Variants in HS6ST3 observed in about 807,000 individuals in gnomAD.
HS6ST3 encodes the protein heparan sulfate 6-O-sulfotransferase 3.
In HS6ST3, 12 loss-of-function variants were observed where a neutral mutation model predicts 36.7. The observed-to-expected ratio is 0.33, with a 90% CI of 0.21 to 0.53. The LOEUF (loss-of-function observed/expected upper bound fraction) is 0.53. Among genes scored for constraint, HS6ST3 ranks in the 20% least tolerant of loss-of-function variants. The pLI is 0.95. For synonymous variants in HS6ST3, 240 were observed against 257.5 expected (o/e 0.93, Z 0.65); for missense variants, 584 against 640.9 (o/e 0.91, Z 0.96).
At chr13:96,215,022 A>G (rs187577372) in intron 1 of HS6ST3, among the ~76,000 whole-genome samples, 4 of 152,182 alleles carry the variant, frequency 2.6e-5, no homozygotes, top group East Asian at 3.9e-4. Context: ...CCCCGCTGAG[A>G]CCCATTTTAC....
chr13:96,491,093 TTCTTGAACTAGTTC>T (rs2055943053), intron 1 of HS6ST3, among the ~76,000 whole-genome samples: 1 of 152,232 alleles, frequency 6.6e-6, no homozygotes, highest in Non-Finnish European at 1.5e-5. Context: ...ATGATTTGCC[TTCTTGAACTAGTTC>T]TAAAGAAGAC....
intron 1 of HS6ST3, among the ~76,000 whole-genome samples, chr13:96,711,761 C>T (rs533632437): frequency 5.0e-4 from 76 of 152,314 alleles, no homozygotes; most frequent in Non-Finnish European, 9.7e-4. Context: ...TGTCTCATTT[C>T]GGACTTTCCA....
At chr13:96,562,610 C>G (rs920562753) in intron 1 of HS6ST3, among the ~76,000 whole-genome samples, 1 of 152,040 alleles carries the variant, frequency 6.6e-6, no homozygotes, top group African/African-American at 2.4e-5. Context: ...TTGCTCTTGA[C>G]CATTCAGATT....
chr13:96,724,314 T>C (rs1009494028), intron 1 of HS6ST3, among the ~76,000 whole-genome samples: 5 of 152,160 alleles, frequency 3.3e-5, no homozygotes, highest in South Asian at 4.1e-4. Context: ...CTGGGTAAGG[T>C]AGGGATTCTT....
At chr13:96,295,829 T>C (rs1231856083) in intron 1 of HS6ST3, among the ~76,000 whole-genome samples, 1 of 152,098 alleles carries the variant, frequency 6.6e-6, no homozygotes, top group East Asian at 1.9e-4. Flanking sequence ...GATGCGCTGA[T>C]TGTCAGGGAA....
chr13:96,636,795 C>T (rs774602601), intron 1 of HS6ST3, among the ~76,000 whole-genome samples: 20 of 151,986 alleles, frequency 1.3e-4, no homozygotes, highest in African/African-American at 4.1e-4. Flanking sequence ...AACGAGTTGA[C>T]GAGGGCAGGA....
chr13:96,596,810 A>C (rs1390464015), intron 1 of HS6ST3, among the ~76,000 whole-genome samples: 1 of 152,190 alleles, frequency 6.6e-6, no homozygotes, highest in East Asian at 1.9e-4. Flanking sequence ...AATACCATTC[A>C]ACCTAGCAAT....
chr13:96,121,311 A>C (rs1273747313), intron 1 of HS6ST3, among the ~76,000 whole-genome samples: 1 of 152,138 alleles, frequency 6.6e-6, no homozygotes. Flanking sequence ...TTTCTTGGTG[A>C]AGTTTATTAG....
intron 1 of HS6ST3, among the ~76,000 whole-genome samples, chr13:96,328,491 T>A (rs2139418945): frequency 6.6e-6 from 1 of 152,166 alleles, no homozygotes. Flanking sequence ...ATTTATTGAT[T>A]TGCGTATGTT....
At chr13:96,601,048 G>A (rs1248785297) in intron 1 of HS6ST3, among the ~76,000 whole-genome samples, 3 of 152,008 alleles carry the variant, frequency 2.0e-5, no homozygotes, top group Admixed American at 6.6e-5. Flanking sequence ...TAGTCTCATA[G>A]GTTTTTCCTA....
rs1338562725 is a variant in HS6ST3, at chr13:96,244,616, A to G, written c.707+153047A>G. On this transcript the variant is annotated intron_variant, in intron 1 of 1. Transcript: ENST00000376705. ...ATGCATTCCATCTATTTTGCTATTA[A>G]TCAATGGAAAAAAAATACTGTTTTC... is the stretch of plus-strand genomic sequence containing the variant. 2.6e-5 allele frequency among the ~76,000 whole-genome samples: 4 copies of G among 152,198 alleles called. No homozygotes were observed. In the East Asian group the frequency reaches 7.7e-4, roughly 29 times the overall value.
At chr13:96,647,308 A>G (rs2056592063) in intron 1 of HS6ST3, among the ~76,000 whole-genome samples, 1 of 152,082 alleles carries the variant, frequency 6.6e-6, no homozygotes, top group Non-Finnish European at 1.5e-5. Flanking sequence ...TAGAACTTTA[A>G]AAAAGTGATA....
intron 1 of HS6ST3, among the ~76,000 whole-genome samples, chr13:96,499,377 G>A (rs746155891): frequency 6.6e-6 from 1 of 152,116 alleles, no homozygotes; most frequent in Non-Finnish European, 1.5e-5. Flanking sequence ...GTACATATCA[G>A]GCATTGTTTG....
At position 96,837,896 on chromosome 13, in the gene HS6ST3, C is replaced by G. The variant is rs763840227; in HGVS notation, c.*4698C>G. On this transcript the variant is annotated 3_prime_UTR_variant, in exon 2 of 2. Coordinates refer to ENST00000376705, the MANE Select transcript of HS6ST3 (RefSeq NM_153456.4). ...CCTTTTTAATGTCTTCTTCCCCAGG[C>G]TCCTGGTACTTTGTCAGCAACATAC... 6.6e-6 allele frequency: 1 copy of G among 151,920 alleles called. No homozygotes were observed. Among genetic ancestry groups the G allele is most frequent in the African/African-American group, 2.4e-5 (1 of 41,368 alleles). 9.4% of individuals were successfully genotyped at this position (151,920 alleles called of 1,614,324 possible).
chr13:96,334,732 C>T (rs546472925), intron 1 of HS6ST3, among the ~76,000 whole-genome samples: 17 of 151,984 alleles, frequency 1.1e-4, no homozygotes, highest in African/African-American at 1.7e-4. Flanking sequence ...TGGGGGAAAC[C>T]GCCCCCATGA....
intron 1 of HS6ST3, among the ~76,000 whole-genome samples, chr13:96,210,974 C>G (rs1440232757): frequency 6.6e-6 from 1 of 151,638 alleles, no homozygotes; most frequent in Non-Finnish European, 1.5e-5. Context: ...CTCTGTTGCC[C>G]AGGCTGGAGT....
At chr13:96,204,663 G>C (rs2182988) in intron 1 of HS6ST3, among the ~76,000 whole-genome samples, 75,594 of 151,936 alleles carry the variant, frequency 0.5, 18,978 homozygotes, top group Admixed American at 0.58. Context: ...ACAGTGCAAT[G>C]AAATTAGAAC....
chr13:96,571,482 G>A (rs2056300774), intron 1 of HS6ST3, among the ~76,000 whole-genome samples: 1 of 152,162 alleles, frequency 6.6e-6, no homozygotes, highest in African/African-American at 2.4e-5. Flanking sequence ...AACAATAAAT[G>A]CATGTTTATC....
chr13:96,194,601 C>T (rs185594732), intron 1 of HS6ST3, among the ~76,000 whole-genome samples: 4 of 152,220 alleles, frequency 2.6e-5, no homozygotes, highest in African/African-American at 9.6e-5. Flanking sequence ...CACATAGTTA[C>T]TATTTTTTGT....
Sources: gnomAD v4.1 joint callset for allele counts (sites outside exome capture counted in the v4.1 genomes callset) on GRCh38, gnomAD v4.1.1 for gene constraint, MANE v1.5 for transcripts, NCBI Gene and HGNC (gene_info 2026-07-23, HGNC 2026-07-21) for gene names.